The following NT5C2 variants were observed in gnomAD, a reference collection of about 807,000 sequenced individuals.
NT5C2 encodes the protein 5'-nucleotidase, cytosolic II, also known as cytosolic purine 5'-nucleotidase.
A neutral mutation model predicts 76.1 loss-of-function variants in NT5C2; 58 were observed. The ratio of observed to expected loss-of-function variants is 0.76; its 90% CI spans 0.62 to 0.95. NT5C2 has a LOEUF of 0.95. Among genes scored for constraint, NT5C2 ranks in the 40% least tolerant of loss-of-function variants. The pLI is 0.00. For missense variants in NT5C2, 478 were observed against 690.3 expected, an observed-to-expected ratio of 0.69 and a Z score of 3.45; for synonymous variants, 229 against 237.4, an observed-to-expected ratio of 0.96 and a Z score of 0.32.
intron 3 of NT5C2, among the ~76,000 whole-genome samples, chr10:103,156,979 C>T (rs1040471087): frequency 2.6e-5 from 4 of 151,888 alleles, no homozygotes; most frequent in Non-Finnish European, 5.9e-5. Context: ...ATGCCGTGAA[C>T]CCATATGTCT....
intron 1 of NT5C2, among the ~76,000 whole-genome samples, chr10:103,192,867 G>C (rs76642670): frequency 0.014 from 2,198 of 152,286 alleles, 54 homozygotes; most frequent in African/African-American, 0.049. Context: ...CGTGAGGAAA[G>C]GGGGGAAGAG....
Position 103,099,804 on chromosome 10 carries a change from G to A in NT5C2, c.633+122C>T, listed in dbSNP as rs893264262. 6.1e-5 allele frequency: 36 copies of A among 586,824 alleles called. 1 individual carries two copies. The Middle Eastern group carries it at 8.3e-4, about 13-fold the overall frequency. 36.4% of individuals were successfully genotyped at this position (586,824 alleles called of 1,614,324 possible). ...GTATTCTAGAGGGCTATCACTAGGC[G>A]GGGGCAAATCTGTTTTTTCTTTTTT... On this transcript the variant is annotated intron_variant, in intron 9 of 18. Transcript: ENST00000404739.
intron 4 of NT5C2, among the ~76,000 whole-genome samples, chr10:103,130,623 G>C (rs1027459516): frequency 1.4e-4 from 20 of 142,180 alleles, no homozygotes; most frequent in Non-Finnish European, 2.1e-4. Context: ...TACAAGTTTA[G>C]AATTATTATA....
rs577228151 is a variant in NT5C2 at position 103,108,433 on chromosome 10, T to C, written c.176-1727A>G. On this transcript the variant is annotated intron_variant, in intron 4 of 18. Coordinates refer to ENST00000404739, the MANE Select transcript of NT5C2 (RefSeq NM_001351169.2). Reference sequence around the variant, plus strand: ...GCGCAAACTGATTTTTCATTGCAATTAGTCTACCTATCCAAGTTGGTGCTA... The same window carrying C: ...GCGCAAACTGATTTTTCATTGCAATCAGTCTACCTATCCAAGTTGGTGCTA... 2.6e-5 allele frequency among the ~76,000 whole-genome samples: 4 copies of C among 152,352 alleles called. No individual in the cohort carries two copies. The South Asian group carries it at 8.3e-4, about 32-fold the overall frequency.
Position 103,090,157 on chromosome 10 carries a change from C to A in NT5C2, c.1450-249G>T, listed in dbSNP as rs932079568. On this transcript the variant is annotated intron_variant, in intron 18 of 18. Transcript: ENST00000404739. ...TGGAAAAGATGGAGAGGGGAGTTTA[C>A]TTTCTATTTTACAGCAAAAACAAGA... 4.0e-5 allele frequency: 17 copies of A among 425,770 alleles called. No individual in the cohort carries two copies. Among genetic ancestry groups the A allele is most frequent in the Non-Finnish European group, 7.0e-5 (17 of 241,364 alleles). 26.4% of individuals were successfully genotyped at this position (425,770 alleles called of 1,614,324 possible). A position where few individuals can be genotyped will look rare whatever the true frequency, so the allele number is the denominator to read the frequency against.
chr10:103,092,955 T>A (rs1331916476), intron 15 of NT5C2, among the ~76,000 whole-genome samples, 184 bp downstream of exon 15: 1 of 152,216 alleles, frequency 6.6e-6, no homozygotes, highest in Non-Finnish European at 1.5e-5. Context: ...CTCTCATATT[T>A]ATTCAAATTC....
intron 1 of NT5C2, among the ~76,000 whole-genome samples, chr10:103,189,549 T>C (rs369384494): frequency 3.4e-5 from 5 of 146,106 alleles, no homozygotes; most frequent in African/African-American, 1.0e-4. Context: ...GAGGCTGCAG[T>C]GAGCCGAGAT....
chr10:103,167,027 T>C (rs557003174), intron 3 of NT5C2, among the ~76,000 whole-genome samples: 1 of 151,822 alleles, frequency 6.6e-6, no homozygotes, highest in East Asian at 1.9e-4. Context: ...TTTCTTTTTT[T>C]TTTTTCTTGA....
At chr10:103,132,585 C>T (rs1262978079) in intron 4 of NT5C2, among the ~76,000 whole-genome samples, 1 of 151,944 alleles carries the variant, frequency 6.6e-6, no homozygotes, top group Non-Finnish European at 1.5e-5. Context: ...ACTCTGTCAC[C>T]CAAGCTGGAG....
chr10:103,090,552 G>A (rs2066500025), intron 18 of NT5C2, 59 bp downstream of exon 18: 2 of 1,459,490 alleles, frequency 1.4e-6, no homozygotes, highest in Non-Finnish European at 1.9e-6. Context: ...TCTCACAAAG[G>A]TGGTTGCTGA....
intron 3 of NT5C2, among the ~76,000 whole-genome samples, chr10:103,168,344 C>T (rs1418311283): frequency 1.3e-5 from 2 of 152,184 alleles, no homozygotes; most frequent in African/African-American, 2.4e-5. Context: ...TTCTGTTCTA[C>T]TGGAAGCATC....
At chr10:103,129,316 G>A (rs1490019457) in intron 4 of NT5C2, among the ~76,000 whole-genome samples, 3 of 105,218 alleles carry the variant, frequency 2.9e-5, no homozygotes, top group Admixed American at 8.5e-5. Flanking sequence ...TCAGCCCCCC[G>A]CCCGGCCAGC....
chr10:103,180,334 G>A (rs2090834000), intron 2 of NT5C2, among the ~76,000 whole-genome samples: 1 of 152,208 alleles, frequency 6.6e-6, no homozygotes, highest in Non-Finnish European at 1.5e-5. Flanking sequence ...CTCTGGAAAA[G>A]TTTGCCATTT....
intron 3 of NT5C2, among the ~76,000 whole-genome samples, chr10:103,142,993 A>G (rs2080791769): frequency 6.6e-6 from 1 of 151,850 alleles, no homozygotes; most frequent in African/African-American, 2.4e-5. Flanking sequence ...CATCAAAAAA[A>G]AAAAAAAAAA....
intron 3 of NT5C2, among the ~76,000 whole-genome samples, chr10:103,152,399 A>G (rs1293242970): frequency 6.6e-6 from 1 of 152,208 alleles, no homozygotes; most frequent in Non-Finnish European, 1.5e-5. Context: ...CAATAATGAA[A>G]TCTAAAAATA....
chr10:103,091,315 C>T (rs1246907848), intron 16 of NT5C2, among the ~76,000 whole-genome samples: 1 of 151,948 alleles, frequency 6.6e-6, no homozygotes, highest in Non-Finnish European at 1.5e-5. Flanking sequence ...GCTGGGATTA[C>T]AGGCATGAGC....
At chr10:103,163,555 T>C (rs539349554) in intron 3 of NT5C2, among the ~76,000 whole-genome samples, 3 of 152,334 alleles carry the variant, frequency 2.0e-5, no homozygotes, top group East Asian at 3.9e-4. Context: ...GTCATCTGTA[T>C]ATATCTTCTT....
chr10:103,169,043 T>C (rs1161450066), intron 3 of NT5C2, among the ~76,000 whole-genome samples: 1 of 152,144 alleles, frequency 6.6e-6, no homozygotes, highest in African/African-American at 2.4e-5. Flanking sequence ...AAGCAAATAC[T>C]GTTAGGAGAT....
chr10:103,171,967 T>C (rs1378166971), intron 3 of NT5C2, among the ~76,000 whole-genome samples: 4 of 152,052 alleles, frequency 2.6e-5, no homozygotes, highest in African/African-American at 9.7e-5. Context: ...CCCAGCACTA[T>C]GGGAGGCCAA....
Sources: allele counts gnomAD v4.1 joint callset (sites outside exome capture counted in the v4.1 genomes callset), GRCh38; gene constraint gnomAD v4.1.1; transcripts MANE v1.5; gene names NCBI Gene and HGNC (gene_info 2026-07-23, HGNC 2026-07-21).